The following NRF1 variants were observed in gnomAD, a reference collection of about 807,000 sequenced individuals.
NRF1 encodes the protein alpha palindromic-binding protein.
In NRF1, 5 loss-of-function variants were observed where a neutral mutation model predicts 58.5. That is an observed-to-expected ratio of 0.09 (90% CI 0.04 to 0.18). The LOEUF (loss-of-function observed/expected upper bound fraction) is 0.18, where lower values mean the gene tolerates loss of function less well. NRF1 is among the 10% of genes least tolerant of loss of function. NRF1 has a pLI of 1.00. For missense variants in NRF1, 288 were observed against 657.7 expected (o/e 0.44, Z 6.15); for synonymous variants, 224 against 246.7 (o/e 0.91, Z 0.86).
chr7:129,613,769 G>A (rs1015941045), intron 1 of NRF1, among the ~76,000 whole-genome samples: 2 of 149,334 alleles, frequency 1.3e-5, no homozygotes, highest in African/African-American at 5.0e-5. Flanking sequence ...CGTGGTGGCA[G>A]GCGCCAGTAA....
At chr7:129,671,571 C>A in intron 3 of NRF1, 28 bp downstream of exon 3, 1 of 1,199,776 alleles carries the variant, frequency 8.3e-7, no homozygotes, top group Non-Finnish European at 1.2e-6. Flanking sequence ...CATATTGTTA[C>A]TATTCCTCAA....
At chr7:129,639,724 CTTTA>C (rs1562956687) in intron 1 of NRF1, among the ~76,000 whole-genome samples, 2 of 151,746 alleles carry the variant, frequency 1.3e-5, no homozygotes, top group Non-Finnish European at 2.9e-5. Flanking sequence ...ATTTTTGTGT[CTTTA>C]GTAGAAACAG....
chr7:129,720,483 A>G (rs965607870), intron 9 of NRF1, among the ~76,000 whole-genome samples: 3 of 152,208 alleles, frequency 2.0e-5, no homozygotes, highest in Admixed American at 2.0e-4. Context: ...CTTTGTTCCT[A>G]TGATGACAAA....
chr7:129,685,460 T>G (rs1225183181), intron 4 of NRF1, among the ~76,000 whole-genome samples: 3 of 152,130 alleles, frequency 2.0e-5, no homozygotes, highest in Non-Finnish European at 2.9e-5. Context: ...CCATCTCTGG[T>G]AATTATAAAA....
At chr7:129,640,142 CAGG>C (rs1156891132) in intron 1 of NRF1, among the ~76,000 whole-genome samples, 1 of 152,094 alleles carries the variant, frequency 6.6e-6, no homozygotes, top group East Asian at 1.9e-4. Flanking sequence ...GTTGAGGGAG[CAGG>C]AGATGTATTA....
At chr7:129,707,472 T>C (rs1043042718) in intron 5 of NRF1, among the ~76,000 whole-genome samples, 4 of 152,208 alleles carry the variant, frequency 2.6e-5, no homozygotes, top group Admixed American at 1.3e-4. Context: ...AGCCATTTTT[T>C]TTAACATGAA....
intron 1 of NRF1, among the ~76,000 whole-genome samples, chr7:129,613,013 T>C (rs1800573355): frequency 6.6e-6 from 1 of 152,246 alleles, no homozygotes; most frequent in Admixed American, 6.5e-5. Flanking sequence ...AGAGCTGGTG[T>C]CAATCGTGCT....
intron 10 of NRF1, among the ~76,000 whole-genome samples, chr7:129,752,955 TCGGTGAGGGCACACCAGA>T (rs1052618091): frequency 6.6e-6 from 1 of 152,184 alleles, no homozygotes; most frequent in Non-Finnish European, 1.5e-5. Context: ...GTCTTCCATT[TCGGTGAGGGCACACCAGA>T]GGAGCCAGGG....
At chr7:129,706,666 G>A (rs1802957156) in intron 5 of NRF1, among the ~76,000 whole-genome samples, 2 of 152,180 alleles carry the variant, frequency 1.3e-5, no homozygotes, top group Non-Finnish European at 1.5e-5. Context: ...CACCTTTCAA[G>A]TAACATTGAG....
chr7:129,635,053 C>T (rs1416121015), intron 1 of NRF1, among the ~76,000 whole-genome samples: 3 of 152,098 alleles, frequency 2.0e-5, no homozygotes, highest in East Asian at 3.8e-4. Flanking sequence ...CAGAGGACTG[C>T]ATTTGTTGGA....
At chr7:129,650,008 C>T (rs1166673090) in intron 1 of NRF1, among the ~76,000 whole-genome samples, 2 of 152,170 alleles carry the variant, frequency 1.3e-5, no homozygotes. Context: ...CCACCTTGGC[C>T]TCCCAAAGTG....
intron 10 of NRF1, among the ~76,000 whole-genome samples, chr7:129,753,769 C>G (rs1804179671): frequency 2.0e-5 from 3 of 151,528 alleles, no homozygotes; most frequent in African/African-American, 7.3e-5. Context: ...TTACATTTTA[C>G]TGGTGTGTGA....
At chr7:129,641,226 T>A (rs1286050470) in intron 1 of NRF1, among the ~76,000 whole-genome samples, 3 of 152,216 alleles carry the variant, frequency 2.0e-5, no homozygotes, top group Non-Finnish European at 2.9e-5. Flanking sequence ...ATGTGAAAAA[T>A]GAGAATTTAA....
intron 5 of NRF1, among the ~76,000 whole-genome samples, chr7:129,705,908 T>A (rs939155756): frequency 1.3e-5 from 2 of 151,740 alleles, no homozygotes; most frequent in Non-Finnish European, 2.9e-5. Context: ...GCCACTGCAC[T>A]CCAGCCTGGG....
At chr7:129,713,713 A>G (rs939943715) in intron 8 of NRF1, among the ~76,000 whole-genome samples, 3 of 152,234 alleles carry the variant, frequency 2.0e-5, no homozygotes, top group Admixed American at 2.0e-4. Flanking sequence ...ATAAGGGTCT[A>G]CTGGCAGCAA....
intron 9 of NRF1, among the ~76,000 whole-genome samples, chr7:129,719,543 C>CACACACACACACACACACAA (rs1255895761): frequency 8.1e-4 from 115 of 142,156 alleles, no homozygotes; most frequent in African/African-American, 2.9e-3. Context: ...CACACACACA[C>CACACACACACACACACACAA]AACACATCTT....
intron 4 of NRF1, among the ~76,000 whole-genome samples, chr7:129,688,221 G>A (rs1802484723): frequency 6.6e-6 from 1 of 152,058 alleles, no homozygotes; most frequent in African/African-American, 2.4e-5. Context: ...CCACCTCCTG[G>A]GCTTAAGCCA....
intron 1 of NRF1, among the ~76,000 whole-genome samples, chr7:129,648,126 C>G (rs1449949683): frequency 6.6e-6 from 1 of 152,074 alleles, no homozygotes; most frequent in Non-Finnish European, 1.5e-5. Context: ...TTTCCCCATC[C>G]CGAGTCCCAC....
chr7:129,729,761 G>C (rs372522707), intron 10 of NRF1, among the ~76,000 whole-genome samples: 1 of 152,140 alleles, frequency 6.6e-6, no homozygotes, highest in Non-Finnish European at 1.5e-5. Context: ...TTGATATCTG[G>C]CTAGACTTTT....
Sources: gnomAD v4.1 joint callset for allele counts (sites outside exome capture counted in the v4.1 genomes callset) on GRCh38, gnomAD v4.1.1 for gene constraint, MANE v1.5 for transcripts, NCBI Gene and HGNC (gene_info 2026-07-23, HGNC 2026-07-21) for gene names.